Variants in KCNIP4 observed in about 807,000 individuals in gnomAD.
The protein encoded by KCNIP4 is Kv channel-interacting protein 4.
In KCNIP4, 12 loss-of-function variants were observed where a neutral mutation model predicts 34.0. The observed-to-expected ratio is 0.35, with a 90% confidence interval of 0.23 to 0.57. The LOEUF (loss-of-function observed/expected upper bound fraction) is 0.57, where lower values mean the gene tolerates loss of function less well. KCNIP4 is among the 20% of genes least tolerant of loss of function. The pLI is 0.83. For missense variants in KCNIP4, 238 were observed against 311.7 expected (o/e 0.76, Z 1.78); for synonymous variants, 124 against 102.2 (o/e 1.21, Z -1.29).
rs147741959 is a variant in KCNIP4 at position 21,611,321 on chromosome 4, G to A, written c.61+337250C>T. 8.2e-4 allele frequency among the ~76,000 whole-genome samples: 125 copies of A among 152,234 alleles called. 1 individual carries two copies. The highest frequency in any genetic ancestry group is 3.4e-3 in the Middle Eastern group (1 of 294). On this transcript the variant is annotated intron_variant, in intron 1 of 8. Transcript: ENST00000382152. ...TTATATTAGATGACAGCAGGTGAGA[G>A]AGAGAAGAAGAGGAGTGAAGGGAGA... is the stretch of plus-strand genomic sequence containing the variant.
chr4:21,801,653 G>A (rs546732360), intron 1 of KCNIP4, among the ~76,000 whole-genome samples: 6 of 151,688 alleles, frequency 4.0e-5, no homozygotes, highest in Admixed American at 1.3e-4. Flanking sequence ...CTGTCACCCC[G>A]GCTGGAGTGC....
At chr4:21,460,100 C>G (rs1269279075) in intron 1 of KCNIP4, among the ~76,000 whole-genome samples, 1 of 130,926 alleles carries the variant, frequency 7.6e-6, no homozygotes, top group Non-Finnish European at 1.8e-5. Context: ...AAATCTGCCC[C>G]CCGCCCCCCA....
intron 1 of KCNIP4, among the ~76,000 whole-genome samples, chr4:20,931,507 G>C (rs1326170125): frequency 6.6e-6 from 1 of 152,174 alleles, no homozygotes; most frequent in African/African-American, 2.4e-5. Flanking sequence ...ACACAAACCT[G>C]AACAGTGTAT....
chr4:20,956,364 G>A (rs1733300820), intron 1 of KCNIP4, among the ~76,000 whole-genome samples: 3 of 152,040 alleles, frequency 2.0e-5, no homozygotes, highest in African/African-American at 4.8e-5. Flanking sequence ...AATTAGCCGG[G>A]CGTGGTGGCG....
chr4:20,764,681 G>GACACACAC (rs5856578), intron 3 of KCNIP4, among the ~76,000 whole-genome samples: 1,562 of 147,202 alleles, frequency 0.011, 13 homozygotes, highest in African/African-American at 0.021. Context: ...ATGGGAATTG[G>GACACACAC]ACACACACAC....
chr4:20,987,155 G>T (rs1736652333), intron 1 of KCNIP4, among the ~76,000 whole-genome samples: 1 of 152,122 alleles, frequency 6.6e-6, no homozygotes, highest in Non-Finnish European at 1.5e-5. Context: ...TAGCGCTTTG[G>T]GAGGCTTAGG....
chr4:20,798,691 G>A (rs1012611218), intron 3 of KCNIP4, among the ~76,000 whole-genome samples: 2 of 152,090 alleles, frequency 1.3e-5, no homozygotes, highest in African/African-American at 2.4e-5. Context: ...CCTCGCCTCC[G>A]CCACTCCATC....
At chr4:21,059,491 C>T (rs1043182412) in intron 1 of KCNIP4, among the ~76,000 whole-genome samples, 1 of 152,136 alleles carries the variant, frequency 6.6e-6, no homozygotes, top group East Asian at 1.9e-4. Flanking sequence ...AATTCCCTGA[C>T]AGTCTATTCT....
chr4:21,785,810 T>C (rs1719873172), intron 1 of KCNIP4, among the ~76,000 whole-genome samples: 1 of 152,218 alleles, frequency 6.6e-6, no homozygotes, highest in African/African-American at 2.4e-5. Context: ...CAAACAATAT[T>C]TCATTGTACG....
intron 3 of KCNIP4, among the ~76,000 whole-genome samples, chr4:20,785,260 A>G (rs1711806441): frequency 6.6e-6 from 1 of 151,550 alleles, no homozygotes; most frequent in Non-Finnish European, 1.5e-5. Context: ...TTCTAAATGC[A>G]TGCCACTTTC....
intron 3 of KCNIP4, among the ~76,000 whole-genome samples, chr4:20,785,650 G>T (rs962673243): frequency 1.3e-5 from 2 of 151,858 alleles, no homozygotes; most frequent in African/African-American, 4.8e-5. Context: ...TGTGAATTTT[G>T]GAAAAATTTG....
intron 1 of KCNIP4, among the ~76,000 whole-genome samples, chr4:21,346,723 G>A (rs979132769): frequency 1.3e-5 from 2 of 152,082 alleles, no homozygotes; most frequent in African/African-American, 4.8e-5. Context: ...ATTCTGATGG[G>A]ACTGAGGATT....
At chr4:21,527,919 C>G (rs1381633841) in intron 1 of KCNIP4, among the ~76,000 whole-genome samples, 1 of 152,132 alleles carries the variant, frequency 6.6e-6, no homozygotes, top group Non-Finnish European at 1.5e-5. Context: ...TTGCTGTTCC[C>G]GTAAGGAATC....
At chr4:21,103,261 C>A (rs992894275) in intron 1 of KCNIP4, among the ~76,000 whole-genome samples, 1 of 147,596 alleles carries the variant, frequency 6.8e-6, no homozygotes, top group Non-Finnish European at 1.5e-5. Flanking sequence ...ATTTATGTTT[C>A]TAGTAGGTTT....
chr4:20,780,628 G>C (rs1489987567), intron 3 of KCNIP4, among the ~76,000 whole-genome samples: 1 of 152,170 alleles, frequency 6.6e-6, no homozygotes, highest in Non-Finnish European at 1.5e-5. Flanking sequence ...CACAGGGCTA[G>C]GTCAAATGAT....
At chr4:21,582,303 T>C (rs894133619) in intron 1 of KCNIP4, 20 of 151,926 alleles carry the variant, frequency 1.3e-4, no homozygotes, top group Middle Eastern at 3.2e-3. Context: ...CTGACCCTGG[T>C]CACTCAATAT....
At chr4:21,325,146 C>A (rs1714906549) in intron 1 of KCNIP4, among the ~76,000 whole-genome samples, 1 of 151,832 alleles carries the variant, frequency 6.6e-6, no homozygotes, top group Admixed American at 6.6e-5. Flanking sequence ...ATTCCCTCCT[C>A]CTAATTTTTC....
intron 1 of KCNIP4, among the ~76,000 whole-genome samples, chr4:21,358,440 A>T (rs1055177293): frequency 7.9e-5 from 12 of 152,184 alleles, no homozygotes; most frequent in African/African-American, 2.9e-4. Flanking sequence ...TTGATTCATG[A>T]TTACCACAGA....
intron 2 of KCNIP4, among the ~76,000 whole-genome samples, chr4:20,877,911 A>G (rs939329108): frequency 3.3e-5 from 5 of 151,670 alleles, no homozygotes; most frequent in Non-Finnish European, 2.9e-5. Context: ...CTCAATTGTG[A>G]ATTGGGTAAA....
Sources: allele counts gnomAD v4.1 joint callset (sites outside exome capture counted in the v4.1 genomes callset), GRCh38; gene constraint gnomAD v4.1.1; transcripts MANE v1.5; gene names NCBI Gene and HGNC (gene_info 2026-07-23, HGNC 2026-07-21).